The following TEX55 variants were observed in gnomAD, a reference collection of about 807,000 sequenced individuals.
TEX55 encodes testis-specific expressed protein 55.
A neutral mutation model predicts 44.6 loss-of-function variants in TEX55; 31 were observed. That is an observed-to-expected ratio of 0.69 (90% CI 0.52 to 0.94). The LOEUF is 0.94. Among genes scored for constraint, TEX55 ranks in the 40% least tolerant of loss-of-function variants. TEX55 has a pLI of 0.00. For missense variants in TEX55, 639 were observed against 638.4 expected (o/e 1.00, Z -0.01); for synonymous variants, 230 against 230.9 (o/e 1.00, Z 0.04).
In TEX55 at chr3:119,147,269, G is replaced by A; in HGVS notation, c.1080G>A (p.Leu360=). The change falls in exon 1 of 3, where the codon CTG becomes CTA. Residue 360 remains leucine, a synonymous_variant. Coordinates refer to ENST00000295622, the MANE Select transcript of TEX55 (RefSeq NM_152539.3). Reference sequence around the variant, plus strand: ...GACAAGCTAATCATAAAGACCAGCTGTCTTACTATGAAACACGTGGCCAGT... The same window carrying A: ...GACAAGCTAATCATAAAGACCAGCTATCTTACTATGAAACACGTGGCCAGT... ...ADRQANHKDQ[L]SYYETRGQSE... is the part of the protein sequence containing the mutation. 1 of 1,614,190 alleles carries A rather than the reference G, an allele frequency of 6.2e-7. No individual in the cohort carries two copies. Among genetic ancestry groups the A allele is most frequent in the Non-Finnish European group, 8.5e-7 (1 of 1,180,050 alleles).
chr3:119,148,475 A>G (rs1215545344), intron 2 of TEX55, 152 bp downstream of exon 2: 1 of 752,904 alleles, frequency 1.3e-6, no homozygotes, highest in African/African-American at 1.8e-5. Context: ...CACCAAATAG[A>G]TGATACCATC....
chr3:119,147,122 C>A lies in TEX55; in HGVS notation c.933C>A (p.Tyr311Ter). Reference protein sequence around the residue: ...KTSVKTHHQVYGQATELAEHQ... With the variant: ...KTSVKTHHQV Reference sequence around the variant, plus strand: ...CTGTAAAGACTCACCACCAAGTGTACGGCCAAGCCACTGAACTAGCTGAAC... The same window carrying A: ...CTGTAAAGACTCACCACCAAGTGTAAGGCCAAGCCACTGAACTAGCTGAAC... The change falls in exon 1 of 3, where the codon TAC becomes TAA. Residue 311 changes from tyrosine (Y) to a stop codon, truncating the protein, a stop_gained. Coordinates refer to ENST00000295622, the MANE Select transcript of TEX55 (RefSeq NM_152539.3). LOFTEE classifies it high-confidence loss of function. The A allele has an allele frequency of 6.2e-7, 1 of 1,614,110 alleles. No individual in the cohort carries two copies. The highest frequency in any genetic ancestry group is 1.3e-5 in the African/African-American group (1 of 75,036).
chr3:119,149,608 G>A (rs1401944384), intron 2 of TEX55, among the ~76,000 whole-genome samples: 4 of 152,096 alleles, frequency 2.6e-5, no homozygotes, highest in Admixed American at 6.6e-5. Context: ...ACATAACTTC[G>A]TGTGCTATAT....
chr3:119,148,438 T>C (rs773770679), intron 2 of TEX55, 115 bp downstream of exon 2: 31 of 968,272 alleles, frequency 3.2e-5, no homozygotes, highest in Non-Finnish European at 4.4e-5. Flanking sequence ...CATTAAGATG[T>C]AGTTACCATA....
rs1273951650 is a variant in TEX55, at chr3:119,148,450, G to T, written c.1542+127G>T. 3.4e-6 allele frequency: 3 copies of T among 872,608 alleles called. No homozygotes were observed. The South Asian group carries it at 5.4e-5, about 16-fold the overall frequency. 54.1% of individuals were successfully genotyped at this position (872,608 alleles called of 1,614,324 possible). ...GTGCATTAAGATGTAGTTACCATAA[G>T]TAGTAAATGATAAACACCAAATAGA... is the stretch of plus-strand genomic sequence containing the variant. On this transcript the variant is annotated intron_variant, in intron 2 of 2. Coordinates refer to ENST00000295622, the MANE Select transcript of TEX55 (RefSeq NM_152539.3).
At chr3:119,150,353 G>A (rs1019398504) in intron 2 of TEX55, among the ~76,000 whole-genome samples, 8 of 151,806 alleles carry the variant, frequency 5.3e-5, no homozygotes, top group Admixed American at 1.3e-4. Context: ...CTGCTTATGC[G>A]TGCAACATTG....
intron 2 of TEX55, among the ~76,000 whole-genome samples, chr3:119,150,837 T>C (rs987006915): frequency 2.6e-5 from 4 of 152,218 alleles, no homozygotes; most frequent in African/African-American, 4.8e-5. Context: ...AATTGCTATT[T>C]ATACTAAATT....
At position 119,147,226 on chromosome 3, in the gene TEX55, C is replaced by T; in HGVS notation, c.1037C>T (p.Thr346Ile). The T allele has an allele frequency of 6.2e-7, 1 of 1,614,220 alleles. No homozygotes were observed. The highest frequency in any genetic ancestry group is 8.5e-7 in the Non-Finnish European group (1 of 1,180,048). The change falls in exon 1 of 3, where the codon ACT (threonine) becomes ATT (isoleucine). Residue 346 changes from threonine to isoleucine, a missense_variant. Transcript: ENST00000295622. ...GCTCACTACACTGAATCTGACCAGA[C>T]TGACCACTTAGCAGACAGACAAGCT... ...DNAHYTESDQ[T>I]DHLADRQANH...
At chr3:119,147,617 T>G (rs368593181) in intron 1 of TEX55, 30 bp downstream of exon 1, 5 of 1,573,838 alleles carry the variant, frequency 3.2e-6, no homozygotes, top group Non-Finnish European at 4.3e-6. Context: ...GATACCTACC[T>G]GGGAGATCAG....
At chr3:119,150,210 C>CGTTT (rs1257394417) in intron 2 of TEX55, among the ~76,000 whole-genome samples, 1 of 152,068 alleles carries the variant, frequency 6.6e-6, no homozygotes, top group Non-Finnish European at 1.5e-5. Flanking sequence ...TGGAAGAGTA[C>CGTTT]TAATGTCTGG....
rs1488893850 is a variant in TEX55, at chr3:119,148,010, TTA to T, written c.1399-166_1399-165del. The stretch of plus-strand genomic sequence containing the variant: ...GGTACCTCCCAGGACATGAGGTGCA[TTA>T]TATTGCACCTGGAGACCTGGAGGAT... On this transcript the variant is annotated intron_variant, in intron 1 of 2. Transcript: ENST00000295622. Among the ~76,000 whole-genome samples, 32 of 152,264 alleles carry T rather than the reference TTA, an allele frequency of 2.1e-4. 1 individual carries two copies. The East Asian group carries it at 6.2e-3, about 29-fold the overall frequency.
rs1374955128 is a variant in TEX55, at chr3:119,151,191, CCATAATGTGATGCCTTATG to C, written c.1543-31_1543-13del. On this transcript the variant is annotated splice_polypyrimidine_tract_variant and intron_variant, in intron 2 of 2. Transcript: ENST00000295622. ...CCTGACCACATAATTTTGCTCAGAA[CCATAATGTGATGCCTTATG>C]CTCTCTTTCTCAGCAGATTACTGAA... 38 of 1,410,760 alleles carry C rather than the reference CCATAATGTGATGCCTTATG, an allele frequency of 2.7e-5. No homozygotes were observed. The highest frequency in any genetic ancestry group is 3.8e-5 in the Non-Finnish European group (38 of 995,506). 87.4% of individuals were successfully genotyped at this position (1,410,760 alleles called of 1,614,324 possible).
Position 119,151,362 on chromosome 3 carries a change from T to C in TEX55, c.*70T>C, listed in dbSNP as rs968450776. The C allele has an allele frequency of 2.7e-5, 35 of 1,282,418 alleles. No homozygotes were observed. Among genetic ancestry groups the C allele is most frequent in the Non-Finnish European group, 3.6e-5 (32 of 894,594 alleles). The allele number at this position is 1,282,418 out of a possible 1,614,324, so 79.4% of individuals were successfully genotyped here. On this transcript the variant is annotated 3_prime_UTR_variant, in exon 3 of 3. Coordinates refer to ENST00000295622, the MANE Select transcript of TEX55 (RefSeq NM_152539.3). Reference sequence around the variant, plus strand: ...TACAGCACACATACAGCAAAGTGTATAGAACAAAGTACGTACAACTCTGAA... The same window carrying C: ...TACAGCACACATACAGCAAAGTGTACAGAACAAAGTACGTACAACTCTGAA...
At chr3:119,149,395 T>C (rs918371422) in intron 2 of TEX55, among the ~76,000 whole-genome samples, 1 of 152,186 alleles carries the variant, frequency 6.6e-6, no homozygotes, top group Non-Finnish European at 1.5e-5. Context: ...CTTGTCCCAC[T>C]GGAAGGTCTT....
chr3:119,150,478 G>A (rs1298169382), intron 2 of TEX55, among the ~76,000 whole-genome samples: 1 of 152,082 alleles, frequency 6.6e-6, no homozygotes. Flanking sequence ...AAATTTGCCT[G>A]ATTTTTATGC....
Position 119,148,233 on chromosome 3 carries a change from T to A in TEX55, c.1452T>A (p.Thr484=). 6.2e-7 allele frequency: 1 copy of A among 1,610,056 alleles called. No homozygotes were observed. The highest frequency in any genetic ancestry group is 8.5e-7 in the Non-Finnish European group (1 of 1,177,286). Residue 484 remains threonine, a synonymous_variant, in exon 2 of 3, where the codon ACT becomes ACA. Coordinates refer to ENST00000295622, the MANE Select transcript of TEX55 (RefSeq NM_152539.3). Reference sequence around the variant, plus strand: ...AGGGTTATCATATACGCAATCAAACTTATAGAAGGTTCCCTTCTATAGTTT... The same window carrying A: ...AGGGTTATCATATACGCAATCAAACATATAGAAGGTTCCCTTCTATAGTTT... ...QGKGYHIRNQ[T]YRRFPSIVYE...
intron 1 of TEX55, 39 bp downstream of exon 1, chr3:119,147,626 A>G (rs2077741025): frequency 6.5e-7 from 1 of 1,547,974 alleles, no homozygotes; most frequent in Non-Finnish European, 8.8e-7. Flanking sequence ...CTGGGAGATC[A>G]GAGATCTAGA....
rs201556236 is a variant in TEX55 at position 119,147,082 on chromosome 3, T to C, written c.893T>C (p.Val298Ala). 47 of 1,614,072 alleles carry C rather than the reference T, an allele frequency of 2.9e-5. No homozygotes were observed. Among genetic ancestry groups the C allele is most frequent in the Middle Eastern group, 1.6e-4 (1 of 6,084 alleles). Residue 298 changes from valine (V) to alanine (A), a missense_variant, in exon 1 of 3, where the codon GTT (valine) becomes GCT (alanine). Physicochemically the swap from Val to Ala is moderately conservative, Grantham distance 64. Transcript: ENST00000295622. ...EQTDLRLYGL[V>A]DHKTSVKTHH... Reference sequence around the variant, plus strand: ...ACTGACCTCAGATTGTATGGCCTCGTTGACCACAAAACATCTGTAAAGACT... The same window carrying C: ...ACTGACCTCAGATTGTATGGCCTCGCTGACCACAAAACATCTGTAAAGACT...
chr3:119,151,204 C>T lies in TEX55; in HGVS notation c.1543-20C>T. On this transcript the variant is annotated intron_variant, in intron 2 of 2. Coordinates refer to ENST00000295622, the MANE Select transcript of TEX55 (RefSeq NM_152539.3). ...TTTTGCTCAGAACCATAATGTGATGCCTTATGCTCTCTTTCTCAGCAGATT... is the reference window on the plus strand; with the variant it reads ...TTTTGCTCAGAACCATAATGTGATGTCTTATGCTCTCTTTCTCAGCAGATT... The T allele has an allele frequency of 2.0e-6, 3 of 1,505,064 alleles. No homozygotes were observed. The highest frequency in any genetic ancestry group is 2.8e-6 in the Non-Finnish European group (3 of 1,081,232). The allele number at this position is 1,505,064 out of a possible 1,614,324, so 93.2% of individuals were successfully genotyped here. A position where few individuals can be genotyped will look rare whatever the true frequency, so the allele number is the denominator to read the frequency against.
Sources: allele counts gnomAD v4.1 joint callset (sites outside exome capture counted in the v4.1 genomes callset), GRCh38; gene constraint gnomAD v4.1.1; transcripts MANE v1.5; gene names NCBI Gene and HGNC (gene_info 2026-07-23, HGNC 2026-07-21).